The following CUBN variants were observed in gnomAD, a reference collection of about 807,000 sequenced individuals.
CUBN encodes 460 kDa receptor.
CUBN carries 282 observed loss-of-function variants against 405.3 expected under a neutral mutation model. The ratio of observed to expected loss-of-function variants is 0.70; its 90% CI spans 0.63 to 0.77. The LOEUF (loss-of-function observed/expected upper bound fraction) is 0.77. Among genes scored for constraint, CUBN ranks in the 30% least tolerant of loss-of-function variants. The probability of loss-of-function intolerance (pLI) is 0.00; values close to 1 mark genes in which losing one functional copy is unlikely to be tolerated. For synonymous variants in CUBN, 1,684 were observed against 1,617.0 expected (o/e 1.04, Z -0.99); for missense variants, 4,514 against 4,475.2 (o/e 1.01, Z -0.25).
chr10:16,889,583 C>T (rs1436800119), intron 55 of CUBN, among the ~76,000 whole-genome samples: 1 of 152,120 alleles, frequency 6.6e-6, no homozygotes, highest in African/African-American at 2.4e-5. Flanking sequence ...GTTGACTTAG[C>T]ATGAGAACCC....
intron 27 of CUBN, among the ~76,000 whole-genome samples, chr10:17,037,994 A>C (rs1834935720): frequency 6.7e-6 from 1 of 150,308 alleles, no homozygotes; most frequent in Non-Finnish European, 1.5e-5. Flanking sequence ...GCTGGAATGC[A>C]ATGGTGCGAT....
At chr10:17,107,928 T>C (rs896368494) in intron 10 of CUBN, among the ~76,000 whole-genome samples, 3 of 152,194 alleles carry the variant, frequency 2.0e-5, no homozygotes, top group African/African-American at 7.2e-5. Flanking sequence ...ATTACTTCTT[T>C]TAAAAATATT....
intron 13 of CUBN, among the ~76,000 whole-genome samples, chr10:17,102,067 T>G (rs1836504764): frequency 6.6e-6 from 1 of 152,150 alleles, no homozygotes; most frequent in African/African-American, 2.4e-5. Context: ...TTTTACAGAT[T>G]AACTAGTGGC....
chr10:16,952,127 C>CTTAA (rs1842936677), intron 33 of CUBN, 149 bp downstream of exon 33: 2 of 668,266 alleles, frequency 3.0e-6, no homozygotes, highest in South Asian at 3.1e-5. Context: ...AATGCTTGTT[C>CTTAA]TTAAGCACAT....
chr10:16,974,613 C>G (rs1257983173), intron 31 of CUBN, among the ~76,000 whole-genome samples: 5 of 152,020 alleles, frequency 3.3e-5, no homozygotes, highest in Non-Finnish European at 7.4e-5. Flanking sequence ...CCTCGTGATC[C>G]CCCCGCCTCG....
At chr10:17,037,778 T>G (rs1313220048) in intron 27 of CUBN, among the ~76,000 whole-genome samples, 2 of 152,164 alleles carry the variant, frequency 1.3e-5, no homozygotes, top group African/African-American at 4.8e-5. Context: ...GGACCTAGAC[T>G]TCAGTCTACA....
In CUBN at chr10:17,104,561, T is replaced by C. The variant is rs970492594; in HGVS notation, c.1275A>G (p.Thr425=). The C allele has an allele frequency of 6.2e-7, 1 of 1,613,698 alleles. No individual in the cohort carries two copies. The highest frequency in any genetic ancestry group is 8.5e-7 in the Non-Finnish European group (1 of 1,179,980). ...GYFCKCDSGW[T]GVNCTENINE... ...TGATGTTTTCTGTACAGTTGACACCTGTCCAACCTGAGTCACACTTACAAA... is the reference window on the plus strand; with the variant it reads ...TGATGTTTTCTGTACAGTTGACACCCGTCCAACCTGAGTCACACTTACAAA... Residue 425 remains threonine, a synonymous_variant, in exon 12 of 67, where the codon ACA becomes ACG. Coordinates refer to ENST00000377833, the MANE Select transcript of CUBN (RefSeq NM_001081.4).
At chr10:16,985,201 A>G (rs1023297110) in intron 29 of CUBN, among the ~76,000 whole-genome samples, 1 of 152,174 alleles carries the variant, frequency 6.6e-6, no homozygotes, top group Admixed American at 6.5e-5. Context: ...CATCTCCTGT[A>G]CCCATATAAA....
In CUBN at chr10:17,023,713, G is replaced by C. The variant is rs117926123; in HGVS notation, c.4018-3730C>G. The stretch of plus-strand genomic sequence containing the variant: ...GATCTACTCAGAGTGAACAATACTT[G>C]AAGTTCTAATTGAGTTACAGAAAGG... On this transcript the variant is annotated intron_variant, in intron 27 of 66. Coordinates refer to ENST00000377833, the MANE Select transcript of CUBN (RefSeq NM_001081.4). 447 of 426,904 alleles carry C rather than the reference G, an allele frequency of 1.0e-3. 1 individual carries two copies. The highest frequency in any genetic ancestry group is 1.8e-3 in the Non-Finnish European group (367 of 209,176). The allele number at this position is 426,904 out of a possible 1,614,324, so 26.4% of individuals were successfully genotyped here. A position where few individuals can be genotyped will look rare whatever the true frequency, so the allele number is the denominator to read the frequency against.
chr10:17,005,152 G>T (rs1421808255), intron 28 of CUBN, among the ~76,000 whole-genome samples: 1 of 152,068 alleles, frequency 6.6e-6, no homozygotes, highest in East Asian at 1.9e-4. Context: ...TTCCCTGATG[G>T]CAGGATAAAA....
intron 13 of CUBN, 114 bp downstream of exon 13, chr10:17,103,011 A>G (rs1836533038): frequency 1.3e-6 from 1 of 740,878 alleles, no homozygotes; most frequent in East Asian, 2.7e-5. Context: ...GTAAGCACTC[A>G]ATATATGATA....
chr10:17,095,684 G>A (rs887969671), intron 14 of CUBN, among the ~76,000 whole-genome samples: 10 of 152,020 alleles, frequency 6.6e-5, no homozygotes, highest in African/African-American at 2.4e-4. Flanking sequence ...CAATATGGAG[G>A]TTCCTCAAAA....
intron 39 of CUBN, among the ~76,000 whole-genome samples, chr10:16,936,783 G>A (rs1842517735): frequency 6.6e-6 from 1 of 152,082 alleles, no homozygotes; most frequent in African/African-American, 2.4e-5. Context: ...CATGTTCTCG[G>A]CTCACTACAA....
In CUBN at chr10:17,084,604, C is replaced by G. The variant is rs866115691; in HGVS notation, c.2111-143G>C. 61 of 753,490 alleles carry G rather than the reference C, an allele frequency of 8.1e-5. No individual in the cohort carries two copies. In the African/African-American group the frequency reaches 9.7e-4, roughly 12 times the overall value. The allele number at this position is 753,490 out of a possible 1,614,324, so 46.7% of individuals were successfully genotyped here. On this transcript the variant is annotated intron_variant, in intron 16 of 66. Transcript: ENST00000377833. ...TTATTCACCCTCTATAGGCTTGTGC[C>G]TCTAATTTTAAGATTTTCAGTTTGA...
chr10:16,936,657 T>C (rs1479208250), intron 39 of CUBN, among the ~76,000 whole-genome samples: 1 of 152,188 alleles, frequency 6.6e-6, no homozygotes, highest in Non-Finnish European at 1.5e-5. Context: ...TCTGATTAAT[T>C]TCTTCTATGT....
chr10:16,838,138 T>C (rs1839229399), intron 62 of CUBN, among the ~76,000 whole-genome samples: 1 of 152,208 alleles, frequency 6.6e-6, no homozygotes, highest in African/African-American at 2.4e-5. Flanking sequence ...CATCTCAGCA[T>C]ATATGCTTTG....
At chr10:16,957,272 G>A (rs1309344579) in intron 31 of CUBN, among the ~76,000 whole-genome samples, 3 of 152,038 alleles carry the variant, frequency 2.0e-5, no homozygotes, top group Non-Finnish European at 4.4e-5. Flanking sequence ...CTCCACAAAT[G>A]AGTGACATCA....
intron 59 of CUBN, among the ~76,000 whole-genome samples, chr10:16,858,849 A>T (rs1839936827): frequency 6.6e-6 from 1 of 152,348 alleles, no homozygotes; most frequent in East Asian, 1.9e-4. Context: ...ATTTTTTTCA[A>T]ATGTGCCAAT....
chr10:16,973,612 TG>T (rs1833004446), intron 31 of CUBN, among the ~76,000 whole-genome samples: 1 of 100,738 alleles, frequency 9.9e-6, no homozygotes, highest in Non-Finnish European at 2.5e-5. Context: ...AAGAACGTGA[TG>T]GGTGGTTTTC....
Sources: allele counts gnomAD v4.1 joint callset (sites outside exome capture counted in the v4.1 genomes callset), GRCh38; gene constraint gnomAD v4.1.1; transcripts MANE v1.5; gene names NCBI Gene and HGNC (gene_info 2026-07-23, HGNC 2026-07-21).